Variants in SLC4A4 observed in about 807,000 individuals in gnomAD.
SLC4A4 encodes electrogenic sodium bicarbonate cotransporter 1.
A neutral mutation model predicts 111.5 loss-of-function variants in SLC4A4; 27 were observed. The observed-to-expected ratio is 0.24, with a 90% CI of 0.18 to 0.33. The LOEUF (loss-of-function observed/expected upper bound fraction) is 0.33, where lower values mean the gene tolerates loss of function less well. Among genes scored for constraint, SLC4A4 ranks in the 10% least tolerant of loss-of-function variants. The probability of loss-of-function intolerance (pLI) is 1.00; values close to 1 mark genes in which losing one functional copy is unlikely to be tolerated. For missense variants in SLC4A4, 909 were observed against 1,315.5 expected (o/e 0.69, Z 4.78); for synonymous variants, 443 against 463.4 (o/e 0.96, Z 0.57).
chr4:71,304,329 G>A (rs1348027247), intron 3 of SLC4A4, among the ~76,000 whole-genome samples: 1 of 152,190 alleles, frequency 6.6e-6, no homozygotes, highest in Non-Finnish European at 1.5e-5. Context: ...AGAATTGGGG[G>A]GCCAATGTCC....
intron 2 of SLC4A4, among the ~76,000 whole-genome samples, chr4:71,151,138 A>G (rs1744302552): frequency 6.6e-6 from 1 of 152,212 alleles, no homozygotes; most frequent in Non-Finnish European, 1.5e-5. Context: ...TGCCACATGG[A>G]TGGTGAATAT....
At chr4:71,167,491 G>A (rs1169898539) in intron 2 of SLC4A4, among the ~76,000 whole-genome samples, 1 of 152,202 alleles carries the variant, frequency 6.6e-6, no homozygotes, top group Non-Finnish European at 1.5e-5. Context: ...CATCAGAGAA[G>A]AGGATGTGGA....
At chr4:71,089,146 A>T (rs1742295429) in intron 1 of SLC4A4, among the ~76,000 whole-genome samples, 2 of 151,726 alleles carry the variant, frequency 1.3e-5, no homozygotes, top group African/African-American at 4.9e-5. Flanking sequence ...CATTTCATTC[A>T]TTTGATCTTG....
intron 7 of SLC4A4, among the ~76,000 whole-genome samples, chr4:71,440,393 A>G (rs1426954548): frequency 6.6e-6 from 1 of 152,194 alleles, no homozygotes; most frequent in East Asian, 1.9e-4. Context: ...TTAATCCCTC[A>G]ATATTTTTGA....
At chr4:71,312,360 C>T (rs1349818419) in intron 3 of SLC4A4, among the ~76,000 whole-genome samples, 1 of 152,152 alleles carries the variant, frequency 6.6e-6, no homozygotes, top group Non-Finnish European at 1.5e-5. Flanking sequence ...GGAGCTGGTA[C>T]CATTCCTTCT....
At chr4:71,410,004 G>A (rs1450597749) in intron 7 of SLC4A4, among the ~76,000 whole-genome samples, 2 of 152,228 alleles carry the variant, frequency 1.3e-5, no homozygotes, top group Non-Finnish European at 2.9e-5. Context: ...CGAGCGCACA[G>A]AAGTCAAGAA....
chr4:71,232,828 G>A (rs554687939), intron 1 of SLC4A4, among the ~76,000 whole-genome samples: 1 of 152,342 alleles, frequency 6.6e-6, no homozygotes, highest in African/African-American at 2.4e-5. Flanking sequence ...GGACCAGTTC[G>A]ATTAATAGTG....
At chr4:71,450,983 C>A (rs1483046946) in intron 10 of SLC4A4, among the ~76,000 whole-genome samples, 1 of 152,138 alleles carries the variant, frequency 6.6e-6, no homozygotes, top group Non-Finnish European at 1.5e-5. Flanking sequence ...ACATACAGTT[C>A]ATTCAACTTT....
At chr4:71,152,609 C>G (rs1744338216) in intron 2 of SLC4A4, among the ~76,000 whole-genome samples, 1 of 152,096 alleles carries the variant, frequency 6.6e-6, no homozygotes, top group Non-Finnish European at 1.5e-5. Context: ...ATTTCTTTCA[C>G]TATTATGACC....
chr4:71,104,925 C>CA (rs1742864862), intron 2 of SLC4A4, among the ~76,000 whole-genome samples: 1 of 28,938 alleles, frequency 3.5e-5, no homozygotes, highest in African/African-American at 1.2e-4. Context: ...CTGGCCAGGG[C>CA]AATCAGGCAG....
intron 16 of SLC4A4, among the ~76,000 whole-genome samples, chr4:71,501,359 G>A (rs1357000685): frequency 6.6e-6 from 1 of 151,686 alleles, no homozygotes; most frequent in Non-Finnish European, 1.5e-5. Context: ...GAGTCTTTAT[G>A]TAAGATCATG....
At chr4:71,477,339 A>G (rs6817870) in intron 14 of SLC4A4, among the ~76,000 whole-genome samples, 38,933 of 151,590 alleles carry the variant, frequency 0.26, 6,824 homozygotes, top group East Asian at 0.59. Context: ...AAGATGCCCC[A>G]GTGAGTTTAA....
intron 1 of SLC4A4, among the ~76,000 whole-genome samples, chr4:71,084,115 T>G (rs781324816): frequency 1.3e-5 from 2 of 151,944 alleles, no homozygotes; most frequent in Non-Finnish European, 2.9e-5. Context: ...TGGAAGACCA[T>G]CTCACTCCTG....
upstream of SLC4A4, among the ~76,000 whole-genome samples, chr4:71,185,485 A>G (rs1745422844): frequency 6.6e-6 from 1 of 152,232 alleles, no homozygotes; most frequent in South Asian, 2.1e-4. Context: ...AAAAATTCCC[A>G]GTGATATATC....
intron 2 of SLC4A4, among the ~76,000 whole-genome samples, chr4:71,145,909 C>T (rs928257152): frequency 6.6e-6 from 1 of 152,020 alleles, no homozygotes; most frequent in Non-Finnish European, 1.5e-5. Flanking sequence ...CTCCTGGATT[C>T]GTTGATTTTT....
intron 6 of SLC4A4, among the ~76,000 whole-genome samples, chr4:71,376,856 C>T (rs1040127755): frequency 2.0e-5 from 3 of 151,830 alleles, no homozygotes; most frequent in Admixed American, 6.6e-5. Context: ...AGGCTGGTCT[C>T]GAACTCCTGG....
At chr4:71,233,020 T>C (rs1719546794) in intron 1 of SLC4A4, among the ~76,000 whole-genome samples, 1 of 152,236 alleles carries the variant, frequency 6.6e-6, no homozygotes, top group Admixed American at 6.5e-5. Flanking sequence ...GCTTCTGAGG[T>C]CTTTTAAGAA....
intron 2 of SLC4A4, among the ~76,000 whole-genome samples, chr4:71,139,810 A>G (rs1032469140): frequency 2.6e-5 from 4 of 152,210 alleles, no homozygotes; most frequent in Admixed American, 1.3e-4. Context: ...TTTTTAGGAT[A>G]TCAACCATCT....
intron 6 of SLC4A4, among the ~76,000 whole-genome samples, chr4:71,367,988 G>T (rs1025631095): frequency 1.3e-5 from 2 of 152,130 alleles, no homozygotes; most frequent in African/African-American, 2.4e-5. Flanking sequence ...TCTCATATTT[G>T]CTGTTGGTTG....
Sources: gnomAD v4.1 joint callset for allele counts (sites outside exome capture counted in the v4.1 genomes callset) on GRCh38, gnomAD v4.1.1 for gene constraint, MANE v1.5 for transcripts, NCBI Gene and HGNC (gene_info 2026-07-23, HGNC 2026-07-21) for gene names.